Variants in PRKG1 observed in about 807,000 individuals in gnomAD.
PRKG1 encodes cGMP-dependent protein kinase 1.
Under a neutral mutation model 88.1 loss-of-function variants are expected in PRKG1, and 35 were observed. The ratio of observed to expected loss-of-function variants is 0.40; its 90% CI spans 0.30 to 0.53. The LOEUF is 0.53. PRKG1 is among the 20% of genes least tolerant of loss of function. PRKG1 has a pLI of 0.59. For synonymous variants in PRKG1, 303 were observed against 292.5 expected (o/e 1.04, Z -0.37); for missense variants, 540 against 839.8 (o/e 0.64, Z 4.41).
intron 3 of PRKG1, among the ~76,000 whole-genome samples, chr10:51,612,625 T>C (rs1189362451): frequency 6.6e-6 from 1 of 152,078 alleles, no homozygotes; most frequent in Non-Finnish European, 1.5e-5. Flanking sequence ...TTTCTTTATC[T>C]TGCCTGATGC....
At chr10:51,357,073 G>C (rs2132578348) in intron 2 of PRKG1, among the ~76,000 whole-genome samples, 1 of 152,082 alleles carries the variant, frequency 6.6e-6, no homozygotes, top group Middle Eastern at 3.4e-3. Flanking sequence ...AATGGCAGGA[G>C]CTAGATAAAT....
chr10:51,698,922 C>T, intron 3 of PRKG1: 1 of 1,614,224 alleles, frequency 6.2e-7, no homozygotes, highest in Non-Finnish European at 8.5e-7. Flanking sequence ...GGGCCAGAGA[C>T]AGACACAGAC....
At chr10:51,083,093 A>G (rs1844154696) in intron 1 of PRKG1, among the ~76,000 whole-genome samples, 1 of 152,172 alleles carries the variant, frequency 6.6e-6, no homozygotes. Context: ...TGAGCAACCC[A>G]AGTCCCTGGC....
intron 7 of PRKG1, among the ~76,000 whole-genome samples, chr10:52,069,886 C>G (rs1268569516): frequency 1.3e-5 from 2 of 151,872 alleles, no homozygotes; most frequent in Non-Finnish European, 2.9e-5. Context: ...CTTCTATTGT[C>G]ATAGGCATTG....
intron 1 of PRKG1, among the ~76,000 whole-genome samples, chr10:51,107,567 G>A (rs577320674): frequency 1.9e-4 from 29 of 151,902 alleles, no homozygotes; most frequent in Non-Finnish European, 3.4e-4. Flanking sequence ...TCATCTGGGC[G>A]CGTTCATGCC....
At chr10:51,846,217 C>A (rs998208244) in intron 4 of PRKG1, among the ~76,000 whole-genome samples, 10 of 152,118 alleles carry the variant, frequency 6.6e-5, no homozygotes, top group African/African-American at 2.4e-4. Flanking sequence ...CCTTCGTAGA[C>A]CAAAACCTTT....
chr10:51,755,322 G>A (rs1380624461), intron 3 of PRKG1, among the ~76,000 whole-genome samples: 3 of 152,126 alleles, frequency 2.0e-5, no homozygotes, highest in African/African-American at 7.2e-5. Flanking sequence ...TACTAACTCT[G>A]CCTGCCTTGT....
chr10:51,391,196 C>T (rs866635507), intron 2 of PRKG1, among the ~76,000 whole-genome samples: 2 of 152,166 alleles, frequency 1.3e-5, no homozygotes, highest in African/African-American at 2.4e-5. Context: ...TTCCAGAACA[C>T]ATTGCTGCCT....
At chr10:52,005,251 C>CT (rs10595402) in intron 5 of PRKG1, among the ~76,000 whole-genome samples, 26,207 of 117,334 alleles carry the variant, frequency 0.22, 2,955 homozygotes, top group Non-Finnish European at 0.26. Context: ...TAATGCCCAT[C>CT]TTTTTTTTTT....
intron 1 of PRKG1, among the ~76,000 whole-genome samples, chr10:51,037,688 C>T (rs764252982): frequency 2.0e-5 from 3 of 151,780 alleles, no homozygotes; most frequent in Non-Finnish European, 4.4e-5. Context: ...GAGGCTGAGG[C>T]AGGTGAATAG....
At chr10:51,657,018 G>T (rs534098798) in intron 3 of PRKG1, among the ~76,000 whole-genome samples, 3 of 152,120 alleles carry the variant, frequency 2.0e-5, no homozygotes, top group Non-Finnish European at 4.4e-5. Context: ...GAAGGATACT[G>T]ATAACTCCTA....
intron 8 of PRKG1, among the ~76,000 whole-genome samples, chr10:52,154,115 T>C (rs1018967890): frequency 1.3e-5 from 2 of 152,212 alleles, no homozygotes; most frequent in South Asian, 4.1e-4. Flanking sequence ...TAGTAGCTAG[T>C]TCTATCAATT....
At chr10:51,945,453 A>T (rs1337747216) in intron 5 of PRKG1, among the ~76,000 whole-genome samples, 3 of 150,414 alleles carry the variant, frequency 2.0e-5, no homozygotes, top group Non-Finnish European at 4.4e-5. Context: ...TAGTCCGTTT[A>T]CATTTAAAGT....
chr10:51,238,546 C>T (rs950900931), intron 2 of PRKG1, among the ~76,000 whole-genome samples: 3 of 151,898 alleles, frequency 2.0e-5, no homozygotes, highest in African/African-American at 7.3e-5. Context: ...GGTGCCACTG[C>T]ACTCCAGCCT....
intron 7 of PRKG1, among the ~76,000 whole-genome samples, chr10:52,071,709 A>C (rs1846500666): frequency 6.6e-6 from 1 of 152,002 alleles, no homozygotes. Context: ...TTTCTACCAC[A>C]TACCCATTTT....
At chr10:51,772,604 C>T (rs925770247) in intron 3 of PRKG1, among the ~76,000 whole-genome samples, 2 of 151,652 alleles carry the variant, frequency 1.3e-5, no homozygotes, top group African/African-American at 4.8e-5. Context: ...ATAAATCACA[C>T]ATTTTTTTTT....
chr10:51,802,790 A>C (rs1839208200), intron 3 of PRKG1, among the ~76,000 whole-genome samples: 1 of 152,158 alleles, frequency 6.6e-6, no homozygotes, highest in Admixed American at 6.6e-5. Flanking sequence ...TAGGACAGGA[A>C]GGGACCAGGG....
chr10:51,348,049 C>T (rs865860630), intron 2 of PRKG1, among the ~76,000 whole-genome samples: 3 of 151,786 alleles, frequency 2.0e-5, no homozygotes, highest in South Asian at 2.1e-4. Context: ...GGTGACAGAG[C>T]GAGACTCCAT....
At chr10:51,139,980 C>T (rs1262080018) in intron 1 of PRKG1, among the ~76,000 whole-genome samples, 4 of 152,230 alleles carry the variant, frequency 2.6e-5, no homozygotes, top group African/African-American at 4.8e-5. Flanking sequence ...GCTTATGTCT[C>T]GAAATTGACC....
Sources: gnomAD v4.1 joint callset for allele counts (sites outside exome capture counted in the v4.1 genomes callset) on GRCh38, gnomAD v4.1.1 for gene constraint, MANE v1.5 for transcripts, NCBI Gene and HGNC (gene_info 2026-07-23, HGNC 2026-07-21) for gene names.